The following SMC6 variants were observed in gnomAD, a reference collection of about 807,000 sequenced individuals.
SMC6 encodes the protein structural maintenance of chromosomes 6.
A neutral mutation model predicts 142.2 loss-of-function variants in SMC6; 79 were observed. The observed-to-expected ratio is 0.56, with a 90% CI of 0.46 to 0.67. SMC6 has a LOEUF of 0.67. Among genes scored for constraint, SMC6 ranks in the 30% least tolerant of loss-of-function variants. The probability of loss-of-function intolerance (pLI) is 0.00; values close to 1 mark genes in which losing one functional copy is unlikely to be tolerated. For missense variants in SMC6, 1,072 were observed against 1,284.0 expected (o/e 0.83, Z 2.52); for synonymous variants, 411 against 412.4 (o/e 1.00, Z 0.04).
chr2:17,726,728 A>G (rs746002241), intron 7 of SMC6, among the ~76,000 whole-genome samples: 2 of 152,366 alleles, frequency 1.3e-5, no homozygotes, highest in Non-Finnish European at 2.9e-5. Flanking sequence ...GGGCACAAGC[A>G]TAAGAACCCT....
At chr2:17,695,590 C>A (rs1667950456) in intron 22 of SMC6, among the ~76,000 whole-genome samples, 1 of 152,072 alleles carries the variant, frequency 6.6e-6, no homozygotes, top group South Asian at 2.1e-4. Flanking sequence ...AGCTTGCTAC[C>A]CAGGGCATCG....
intron 5 of SMC6, 38 bp from the exon 6 acceptor site, chr2:17,731,915 C>G: frequency 6.3e-7 from 1 of 1,597,724 alleles, no homozygotes; most frequent in South Asian, 1.1e-5. Flanking sequence ...CATGAAGATA[C>G]AGTGTAATTA....
At chr2:17,697,370 G>C (rs1425057420) in intron 21 of SMC6, among the ~76,000 whole-genome samples, 1 of 151,952 alleles carries the variant, frequency 6.6e-6, no homozygotes, top group Non-Finnish European at 1.5e-5. Flanking sequence ...AAGGTCACTG[G>C]ATACAGGTCA....
At chr2:17,726,069 C>A (rs1453861619) in intron 8 of SMC6, among the ~76,000 whole-genome samples, 3 of 101,892 alleles carry the variant, frequency 2.9e-5, no homozygotes, top group African/African-American at 1.3e-4. Context: ...TCCTGGAAGA[C>A]AGAGCAAGGC....
chr2:17,701,707 C>T, intron 20 of SMC6, 122 bp downstream of exon 20: 4 of 622,230 alleles, frequency 6.4e-6, no homozygotes, highest in South Asian at 4.2e-5. Context: ...TGAATGGAGA[C>T]AGCAATCATA....
chr2:17,717,957 G>T, intron 12 of SMC6, 120 bp downstream of exon 12: 1 of 1,049,420 alleles, frequency 9.5e-7, no homozygotes, highest in Non-Finnish European at 1.3e-6. Flanking sequence ...TAGCACTCCA[G>T]CCTGGGTGAC....
intron 23 of SMC6, among the ~76,000 whole-genome samples, chr2:17,694,431 CA>C (rs1240899465): frequency 6.6e-6 from 1 of 152,088 alleles, no homozygotes; most frequent in African/African-American, 2.4e-5. Context: ...ATCAAAATGC[CA>C]TATGTACCCC....
intron 15 of SMC6, 51 bp downstream of exon 15, chr2:17,716,035 A>C: frequency 1.5e-6 from 2 of 1,357,240 alleles, no homozygotes; most frequent in Non-Finnish European, 1.9e-6. Flanking sequence ...TTCTGAAAAT[A>C]AAAACTTATT....
chr2:17,708,202 C>T (rs1031599119), intron 17 of SMC6, among the ~76,000 whole-genome samples: 1 of 151,896 alleles, frequency 6.6e-6, no homozygotes, highest in African/African-American at 2.4e-5. Flanking sequence ...CATAAAAACA[C>T]CTACACAGAT....
intron 4 of SMC6, among the ~76,000 whole-genome samples, chr2:17,741,078 C>G (rs957712795): frequency 3.9e-5 from 6 of 152,192 alleles, no homozygotes; most frequent in African/African-American, 1.4e-4. Context: ...TTCCTATACA[C>G]ATCTACCTCT....
At chr2:17,696,142 T>C (rs563798440) in intron 22 of SMC6, 147 bp downstream of exon 22, 5 of 976,386 alleles carry the variant, frequency 5.1e-6, no homozygotes, top group South Asian at 1.9e-5. Flanking sequence ...GCCTCTTCTG[T>C]TGATTCACCC....
At chr2:17,719,604 G>A (rs1669271466) in intron 11 of SMC6, among the ~76,000 whole-genome samples, 1 of 152,138 alleles carries the variant, frequency 6.6e-6, no homozygotes, top group South Asian at 2.1e-4. Context: ...AAATGCTTGA[G>A]GAGGAAAGTA....
chr2:17,705,256 T>G (rs1263356562), intron 18 of SMC6, among the ~76,000 whole-genome samples: 1 of 151,598 alleles, frequency 6.6e-6, no homozygotes, highest in Non-Finnish European at 1.5e-5. Flanking sequence ...AGACCCTGTC[T>G]CAAAAAAATA....
At chr2:17,667,007 G>C (rs1666529362) in intron 26 of SMC6, among the ~76,000 whole-genome samples, 1 of 152,104 alleles carries the variant, frequency 6.6e-6, no homozygotes. Flanking sequence ...AAACTCTTCG[G>C]GGACAATAAC....
Position 17,752,604 on chromosome 2 carries a change from A to G in SMC6, c.-6+374T>C, listed in dbSNP as rs116090199. On this transcript the variant is annotated intron_variant, in intron 2 of 27. Transcript: ENST00000448223. ...CTCCAAACGTTTTGTACTTGCACCC[A>G]TTAAGCAAAAGAAATTTGAAATACA... 6.9e-3 allele frequency among the ~76,000 whole-genome samples: 1,053 copies of G among 152,336 alleles called. 10 individuals are homozygous for G. The highest frequency in any genetic ancestry group is 0.025 in the South Asian group (120 of 4,830).
At chr2:17,696,695 C>T (rs1668004755) in intron 21 of SMC6, among the ~76,000 whole-genome samples, 1 of 152,016 alleles carries the variant, frequency 6.6e-6, no homozygotes, top group Non-Finnish European at 1.5e-5. Context: ...CCACATTAGC[C>T]TTTAAAAACT....
intron 16 of SMC6, among the ~76,000 whole-genome samples, chr2:17,709,824 T>C (rs1244383263): frequency 6.6e-6 from 1 of 152,118 alleles, no homozygotes; most frequent in Non-Finnish European, 1.5e-5. Flanking sequence ...GAGGAAATGA[T>C]ATAGTCACAT....
At chr2:17,721,368 A>T in intron 9 of SMC6, 107 bp from the exon 10 acceptor site, 1 of 1,067,112 alleles carries the variant, frequency 9.4e-7, no homozygotes, top group South Asian at 2.3e-5. Flanking sequence ...TACTACATAA[A>T]TATTCGTTTA....
chr2:17,707,304 C>T lies in SMC6; in HGVS notation c.1921G>A (p.Gly641Ser), dbSNP rs1558350214. The T allele has an allele frequency of 5.6e-6, 9 of 1,602,910 alleles. No homozygotes were observed. Among genetic ancestry groups the T allele is most frequent in the Non-Finnish European group, 7.7e-6 (9 of 1,175,066 alleles). Residue 641 changes from glycine (G) to serine (S), a missense_variant, in exon 18 of 28, where the codon GGT (glycine) becomes AGT (serine). Coordinates refer to ENST00000448223, the MANE Select transcript of SMC6 (RefSeq NM_001142286.2). Reference sequence around the variant, plus strand: ...TAACGTCCTGCAAAAACTTGATCACCATCAGCAGTAAAAGCTTCTCTACAA... The same window carrying T: ...TAACGTCCTGCAAAAACTTGATCACTATCAGCAGTAAAAGCTTCTCTACAA... Reference protein sequence around the residue: ...KNCREAFTADGDQVFAGRYYS... With the variant: ...KNCREAFTADSDQVFAGRYYS...
Sources: gnomAD v4.1 joint callset for allele counts (sites outside exome capture counted in the v4.1 genomes callset) on GRCh38, gnomAD v4.1.1 for gene constraint, MANE v1.5 for transcripts, NCBI Gene and HGNC (gene_info 2026-07-23, HGNC 2026-07-21) for gene names.